The following ARL2 variants were observed in gnomAD, a reference collection of about 807,000 sequenced individuals.
The protein encoded by ARL2 is ARF like GTPase 2, also known as ADP-ribosylation factor-like protein 2.
In ARL2, 11 loss-of-function variants were observed where a neutral mutation model predicts 22.0. That is an observed-to-expected ratio of 0.50 (90% CI 0.31 to 0.83). The LOEUF (loss-of-function observed/expected upper bound fraction) is 0.83, where lower values mean the gene tolerates loss of function less well. Ranked by LOEUF, ARL2 falls within the 40% of genes least tolerant of loss-of-function variation. ARL2 has a pLI of 0.04. For missense variants in ARL2, 216 were observed against 243.2 expected (o/e 0.89, Z 0.74); for synonymous variants, 111 against 100.8 (o/e 1.10, Z -0.61).
In ARL2 at chr11:65,018,859, C is replaced by G. The variant is rs771940608; in HGVS notation, c.339+126C>G. ...GATCCCTTCCTTCTCTGGGCCCCCA[C>G]CATGGGAGGCCCATGGTGCCAGAGG... On this transcript the variant is annotated intron_variant, in intron 3 of 4. Transcript: ENST00000246747. The surrounding 1 kb of genome is among the most constrained non-coding windows in gnomAD (Gnocchi z 4.2). 2 of 1,539,286 alleles carry G rather than the reference C, an allele frequency of 1.3e-6. No individual in the cohort carries two copies. The highest frequency in any genetic ancestry group is 8.7e-7 in the Non-Finnish European group (1 of 1,148,402).
chr11:65,021,772 A>G lies in ARL2; in HGVS notation c.472A>G (p.Ser158Gly). Reference protein sequence around the residue: ...RSHHWCIQGCSAVTGENLLPG... With the variant: ...RSHHWCIQGCGAVTGENLLPG... The stretch of plus-strand genomic sequence containing the variant: ...CCACCACTGGTGCATCCAGGGCTGC[A>G]GCGCCGTCACCGGGGAGAACCTGCT... Residue 158 changes from serine (S) to glycine (G), a missense_variant, in exon 5 of 5, where the codon AGC (serine) becomes GGC (glycine). Coordinates refer to ENST00000246747, the MANE Select transcript of ARL2 (RefSeq NM_001667.4). The G allele has an allele frequency of 6.2e-7, 1 of 1,612,790 alleles. No individual in the cohort carries two copies. The highest frequency in any genetic ancestry group is 8.5e-7 in the Non-Finnish European group (1 of 1,179,860).
At position 65,014,256 on chromosome 11, in the gene ARL2, C is replaced by T. The variant is rs1372324550; in HGVS notation, c.49C>T (p.Leu17=). The change falls in exon 1 of 5, where the codon CTG becomes TTG. Residue 17 remains leucine, a synonymous_variant. Coordinates refer to ENST00000246747, the MANE Select transcript of ARL2 (RefSeq NM_001667.4). ...LKKMKQKERE[L]RLLMLGLDNA... is the part of the protein sequence containing the mutation. ...GAAGATGAAGCAGAAAGAGCGGGAG[C>T]TGCGACTGCTCATGCTGTATCCTAC... 7.0e-6 allele frequency: 11 copies of T among 1,573,954 alleles called. No homozygotes were observed. Among genetic ancestry groups the T allele is most frequent in the South Asian group, 3.5e-5 (3 of 86,214 alleles).
chr11:65,017,725 C>T (rs933935118), intron 1 of ARL2, among the ~76,000 whole-genome samples: 11 of 152,278 alleles, frequency 7.2e-5, no homozygotes, highest in East Asian at 3.9e-4. Context: ...GTCCAGGACC[C>T]GCCCACCCCA....
rs1565182324 is a variant in ARL2, at chr11:65,018,280, A to T, written c.66-84A>T. ...CAACTCAGTTTGATACATGGTGGGA[A>T]ATAATGAGTCCCCTAAGGGGCTCTG... is the stretch of plus-strand genomic sequence containing the variant. On this transcript the variant is annotated intron_variant, in intron 1 of 4. Coordinates refer to ENST00000246747, the MANE Select transcript of ARL2 (RefSeq NM_001667.4). The surrounding 1 kb of genome is among the most constrained non-coding windows in gnomAD (Gnocchi z 4.2). 2.7e-6 allele frequency: 3 copies of T among 1,110,260 alleles called. No homozygotes were observed. Among genetic ancestry groups the T allele is most frequent in the Non-Finnish European group, 3.9e-6 (3 of 767,998 alleles). The allele number at this position is 1,110,260 out of a possible 1,614,324, so 68.8% of individuals were successfully genotyped here.
chr11:65,022,062 A>T lies in ARL2; in HGVS notation c.*207A>T, dbSNP rs1946335910. 1 of 692,786 alleles carries T rather than the reference A, an allele frequency of 1.4e-6. No homozygotes were observed. The highest frequency in any genetic ancestry group is 1.8e-5 in the African/African-American group (1 of 55,714). 42.9% of individuals were successfully genotyped at this position (692,786 alleles called of 1,614,324 possible). On this transcript the variant is annotated 3_prime_UTR_variant, in exon 5 of 5. Transcript: ENST00000246747. ...GCCCTGGCTGTCTCTCTGGCTCCTG[A>T]CCTGGCCTTTGGCTACCATACCAAG...
Position 65,018,350 on chromosome 11 carries a change from C to A in ARL2, c.66-14C>A, listed in dbSNP as rs190800247. On this transcript the variant is annotated splice_polypyrimidine_tract_variant and intron_variant, in intron 1 of 4. Transcript: ENST00000246747. This position sits in a 1 kb window ranked among gnomAD's most constrained non-coding sequence, Gnocchi z 4.2. Reference sequence around the variant, plus strand: ...CAGAGAACAGGGACTTCTCCTTAACCTGCTGCGCCCCAGTGGCCTGGACAA... The same window carrying A: ...CAGAGAACAGGGACTTCTCCTTAACATGCTGCGCCCCAGTGGCCTGGACAA... 3.8e-6 allele frequency: 6 copies of A among 1,585,020 alleles called. No individual in the cohort carries two copies. The African/African-American group carries it at 8.0e-5, about 21-fold the overall frequency.
Position 65,021,900 on chromosome 11 carries a change from T to G in ARL2, c.*45T>G. ...ACCTAGCAGTCCAGGTCCCTCAACC[T>G]TCACCAAACACTACCCATGGGGGGT... On this transcript the variant is annotated 3_prime_UTR_variant, in exon 5 of 5. Transcript: ENST00000246747. 1 of 1,589,484 alleles carries G rather than the reference T, an allele frequency of 6.3e-7. No homozygotes were observed.
intron 1 of ARL2, among the ~76,000 whole-genome samples, chr11:65,014,476 A>C (rs1017543526): frequency 1.3e-5 from 2 of 152,160 alleles, no homozygotes; most frequent in East Asian, 3.9e-4. Flanking sequence ...CGAGGGCCGC[A>C]GAAGCGGTCC....
chr11:65,014,960 G>A (rs1946232450), intron 1 of ARL2, among the ~76,000 whole-genome samples: 1 of 152,226 alleles, frequency 6.6e-6, no homozygotes, highest in African/African-American at 2.4e-5. Flanking sequence ...TGTTTTTTGA[G>A]ACAGGGTCTT....
chr11:65,020,328 G>C (rs1946312325), intron 3 of ARL2, 91 bp from the exon 4 acceptor site: 1 of 1,109,786 alleles, frequency 9.0e-7, no homozygotes, highest in Non-Finnish European at 1.3e-6. Flanking sequence ...CTTCCAGGTC[G>C]ATCCTTCACC....
chr11:65,018,770 G>A lies in ARL2; in HGVS notation c.339+37G>A, dbSNP rs753439287. 6.3e-5 allele frequency: 101 copies of A among 1,611,020 alleles called. No homozygotes were observed. The highest frequency in any genetic ancestry group is 3.3e-4 in the Middle Eastern group (2 of 6,084). ...CTACCCTTTGTGTACATGTATGGAC[G>A]TGTGGCTGCCTTCTCAGCAGATGCC... On this transcript the variant is annotated intron_variant, in intron 3 of 4. Transcript: ENST00000246747. This position sits in a 1 kb window ranked among gnomAD's most constrained non-coding sequence, Gnocchi z 4.2.
Position 65,018,510 on chromosome 11 carries a change from C to G in ARL2, c.176+36C>G. 6.2e-7 allele frequency: 1 copy of G among 1,602,630 alleles called. No individual in the cohort carries two copies. The highest frequency in any genetic ancestry group is 1.1e-5 in the South Asian group (1 of 89,198). On this transcript the variant is annotated intron_variant, in intron 2 of 4. Transcript: ENST00000246747. The surrounding 1 kb of genome is among the most constrained non-coding windows in gnomAD (Gnocchi z 4.2). ...GCCCCATGGGAGGGCCAGCCCAGAG[C>G]AGGGCAGGGAAGGTGGGAGAGGGGC... is the stretch of plus-strand genomic sequence containing the variant.
At chr11:65,015,475 T>TG (rs947568448) in intron 1 of ARL2, among the ~76,000 whole-genome samples, 44 of 152,192 alleles carry the variant, frequency 2.9e-4, no homozygotes, top group African/African-American at 1.0e-3. Context: ...TGATAAATAT[T>TG]GAGTGCCTAA....
chr11:65,014,587 G>T (rs1190430324), intron 1 of ARL2, among the ~76,000 whole-genome samples: 1 of 152,212 alleles, frequency 6.6e-6, no homozygotes, highest in Non-Finnish European at 1.5e-5. Flanking sequence ...CAAGCGTGGG[G>T]CCGCTGCCCT....
Position 65,021,997 on chromosome 11 carries a change from C to A in ARL2, c.*142C>A. On this transcript the variant is annotated 3_prime_UTR_variant, in exon 5 of 5. Transcript: ENST00000246747. ...CTGCTGCTGCTACTGCTGCCCGCTG[C>A]TGCTCTGTGGCCACCCGGCTCCCAT... 7.8e-7 allele frequency: 1 copy of A among 1,279,002 alleles called. No individual in the cohort carries two copies. The highest frequency in any genetic ancestry group is 1.1e-6 in the Non-Finnish European group (1 of 936,280). The allele number at this position is 1,279,002 out of a possible 1,614,324, so 79.2% of individuals were successfully genotyped here.
rs993786331 is a variant in ARL2, at chr11:65,018,919, G to C, written c.339+186G>C. On this transcript the variant is annotated intron_variant, in intron 3 of 4. Coordinates refer to ENST00000246747, the MANE Select transcript of ARL2 (RefSeq NM_001667.4). This position sits in a 1 kb window ranked among gnomAD's most constrained non-coding sequence, Gnocchi z 4.2. ...TGCTGTGGACTGAGATTGAGTTAACGTCCCTGTGGTGTTACTACGTCACTA... is the reference window on the plus strand; with the variant it reads ...TGCTGTGGACTGAGATTGAGTTAACCTCCCTGTGGTGTTACTACGTCACTA... The C allele has an allele frequency of 1.7e-5, 26 of 1,531,176 alleles. No individual in the cohort carries two copies. Among genetic ancestry groups the C allele is most frequent in the Non-Finnish European group, 1.9e-5 (22 of 1,144,458 alleles). The allele number at this position is 1,531,176 out of a possible 1,614,324, so 94.8% of individuals were successfully genotyped here.
At chr11:65,020,386 C>T (rs1946313087) in intron 3 of ARL2, 33 bp from the exon 4 acceptor site, 15 of 1,547,760 alleles carry the variant, frequency 9.7e-6, no homozygotes, top group Non-Finnish European at 1.3e-5. Context: ...TCCTCTGAGT[C>T]CCCACCCCAC....
intron 1 of ARL2, among the ~76,000 whole-genome samples, chr11:65,016,936 C>G (rs1946263991): frequency 6.6e-6 from 1 of 152,034 alleles, no homozygotes; most frequent in Admixed American, 6.6e-5. Flanking sequence ...GTGAGCCACT[C>G]CATCAGGTGC....
rs1946287992 is a variant in ARL2 at position 65,018,616 on chromosome 11, G to T, written c.222G>T (p.Arg74=). The T allele has an allele frequency of 1.2e-6, 2 of 1,613,664 alleles. No homozygotes were observed. Among genetic ancestry groups the T allele is most frequent in the Non-Finnish European group, 8.5e-7 (1 of 1,179,804 alleles). ...ATGTGGGTGGCCAGAAGTCCCTGCG[G>T]TCCTACTGGCGGAACTACTTTGAGA... The part of the protein sequence containing the change: ...IWDVGGQKSL[R]SYWRNYFEST... The change falls in exon 3 of 5, where the codon CGG becomes CGT. Residue 74 remains arginine (R), a synonymous_variant. Coordinates refer to ENST00000246747, the MANE Select transcript of ARL2 (RefSeq NM_001667.4). This position sits in a 1 kb window ranked among gnomAD's most constrained non-coding sequence, Gnocchi z 4.2.
Sources: allele counts gnomAD v4.1 joint callset (sites outside exome capture counted in the v4.1 genomes callset), GRCh38; gene constraint gnomAD v4.1.1; non-coding constraint Gnocchi (gnomAD v3.1); transcripts MANE v1.5; gene names NCBI Gene and HGNC (gene_info 2026-07-23, HGNC 2026-07-21).